Variants in DLEC1 observed in about 807,000 individuals in gnomAD.
DLEC1 encodes DLEC1 cilia and flagella associated protein, also known as deleted in lung and esophageal cancer protein 1.
Under a neutral mutation model 198.1 loss-of-function variants are expected in DLEC1, and 146 were observed. That is an observed-to-expected ratio of 0.74 (90% CI 0.64 to 0.85). DLEC1 has a LOEUF of 0.85. DLEC1 is among the 40% of genes least tolerant of loss of function. The pLI, the probability that DLEC1 is intolerant of heterozygous loss-of-function variation, is 0.00. For synonymous variants in DLEC1, 897 were observed against 866.8 expected (o/e 1.03, Z -0.61); for missense variants, 2,233 against 2,220.0 (o/e 1.01, Z -0.12).
intron 6 of DLEC1, among the ~76,000 whole-genome samples, chr3:38,076,872 G>T (rs570894112): frequency 4.1e-4 from 63 of 152,290 alleles, no homozygotes; most frequent in Non-Finnish European, 5.9e-4. Context: ...CAGGATTAGG[G>T]GCAGCGTGGG....
Position 38,059,787 on chromosome 3 carries a change from A to G in DLEC1, c.608A>G (p.Lys203Arg), listed in dbSNP as rs1286241684. The G allele has an allele frequency of 6.2e-7, 1 of 1,614,036 alleles. No individual in the cohort carries two copies. Among genetic ancestry groups the G allele is most frequent in the African/African-American group, 1.3e-5 (1 of 74,916 alleles). ...TGTATAGACAGCGAGTTGCTACGGA[A>G]ACATCATTTGATCTCCCCAGAAGAT... is the stretch of plus-strand genomic sequence containing the variant. ...RWCIDSELLR[K>R]HHLISPEDYY... The change falls in exon 3 of 37, where the codon AAA becomes AGA. Residue 203 changes from lysine (K) to arginine (R), a missense_variant. Lys to Arg is a conservative substitution (Grantham distance 26). Coordinates refer to ENST00000308059, the MANE Select transcript of DLEC1 (RefSeq NM_007335.4).
chr3:38,110,428 G>C, intron 23 of DLEC1, 147 bp downstream of exon 23: 1 of 1,027,096 alleles, frequency 9.7e-7, no homozygotes, highest in Non-Finnish European at 1.4e-6. Context: ...GGGACAGGCA[G>C]AGAGGAAATG....
intron 25 of DLEC1, among the ~76,000 whole-genome samples, chr3:38,113,660 C>T (rs2125733594): frequency 6.6e-6 from 1 of 152,188 alleles, no homozygotes; most frequent in South Asian, 2.1e-4. Flanking sequence ...CACTGCACTC[C>T]AGCCTGAGCG....
rs555782831 is a variant in DLEC1, at chr3:38,112,996, C to G, written c.3666+635C>G. Among the ~76,000 whole-genome samples the G allele has an allele frequency of 6.6e-6, 1 of 152,222 alleles. No individual in the cohort carries two copies. Among genetic ancestry groups the G allele is most frequent in the African/African-American group, 2.4e-5 (1 of 41,522 alleles). On this transcript the variant is annotated intron_variant, in intron 25 of 36. Transcript: ENST00000308059. This position sits in a 1 kb window ranked among gnomAD's most constrained non-coding sequence, Gnocchi z 4.8. ...ACAGATTAATTATAGTAGATATTTG[C>G]TTTAAATTGTGTGTGTTCTGTATGA...
intron 15 of DLEC1, 32 bp downstream of exon 15, chr3:38,096,769 G>A: frequency 6.4e-7 from 1 of 1,574,712 alleles, no homozygotes; most frequent in Non-Finnish European, 8.6e-7. Flanking sequence ...GCCTAGGCTG[G>A]CCGAGGCAGT....
chr3:38,045,561 C>T lies in DLEC1; in HGVS notation c.430C>T (p.Gln144Ter). 1 of 1,613,550 alleles carries T rather than the reference C, an allele frequency of 6.2e-7. No homozygotes were observed. Among genetic ancestry groups the T allele is most frequent in the Non-Finnish European group, 8.5e-7 (1 of 1,179,806 alleles). Residue 144 changes from glutamine (Q) to a stop codon, truncating the protein, a stop_gained, in exon 2 of 37, where the codon CAG (glutamine) becomes TAG (stop). Transcript: ENST00000308059. LOFTEE classifies it high-confidence loss of function. Reference protein sequence around the residue: ...QLQQIRELYKQRLDEFEMLER... With the variant: ...QLQQIRELYK ...CTGCCAGATTCGGGAGCTCTATAAG[C>T]AGCGGCTGGATGAGTTTGAAATGTT...
chr3:38,043,903 G>A (rs1045052855), intron 1 of DLEC1, among the ~76,000 whole-genome samples: 5 of 151,770 alleles, frequency 3.3e-5, no homozygotes, highest in African/African-American at 4.8e-5. Context: ...AAATCTTTGC[G>A]ATCCCACCAA....
Position 38,116,696 on chromosome 3 carries a change from G to T in DLEC1, c.4062+38G>T, listed in dbSNP as rs771186922. 7.4e-6 allele frequency: 12 copies of T among 1,610,776 alleles called. No homozygotes were observed. In the Admixed American group the frequency reaches 2.0e-4, roughly 27 times the overall value. ...GGAGGGGCGGGGCAGGCTGGCCACT[G>T]AGGGCCACTGAGGTGTGGCCAGTAG... is the stretch of plus-strand genomic sequence containing the variant. On this transcript the variant is annotated intron_variant, in intron 28 of 36. Coordinates refer to ENST00000308059, the MANE Select transcript of DLEC1 (RefSeq NM_007335.4).
chr3:38,122,627 G>A lies in DLEC1; in HGVS notation c.*215G>A, dbSNP rs1700549739. The A allele has an allele frequency of 2.0e-6, 3 of 1,522,704 alleles. No homozygotes were observed. In the East Asian group the frequency reaches 6.9e-5, roughly 35 times the overall value. The allele number at this position is 1,522,704 out of a possible 1,614,324, so 94.3% of individuals were successfully genotyped here. On this transcript the variant is annotated 3_prime_UTR_variant, in exon 37 of 37. Coordinates refer to ENST00000308059, the MANE Select transcript of DLEC1 (RefSeq NM_007335.4). ...ATAAAGGACAGGCCACACCACAGCA[G>A]AGACCACCACATTGAGATCACTACT...
chr3:38,122,935 G>A lies in DLEC1; in HGVS notation c.*523G>A, dbSNP rs926278633. 2.7e-6 allele frequency: 3 copies of A among 1,107,316 alleles called. No homozygotes were observed. Among genetic ancestry groups the A allele is most frequent in the Non-Finnish European group, 2.7e-6 (2 of 741,766 alleles). 68.6% of individuals were successfully genotyped at this position (1,107,316 alleles called of 1,614,324 possible). A position where few individuals can be genotyped will look rare whatever the true frequency, so the allele number is the denominator to read the frequency against. ...GTTGAAGTGCCTTGATCTGTCCACT[G>A]CCACCACCACCAGTGCTGAGTTTTC... On this transcript the variant is annotated 3_prime_UTR_variant, in exon 37 of 37. Coordinates refer to ENST00000308059, the MANE Select transcript of DLEC1 (RefSeq NM_007335.4).
At chr3:38,039,786 A>G in intron 1 of DLEC1, 150 bp downstream of exon 1, 1 of 1,038,472 alleles carries the variant, frequency 9.6e-7, no homozygotes, top group Non-Finnish European at 1.4e-6. Flanking sequence ...CCGACATTCT[A>G]GTGGAAGGAC....
At chr3:38,114,275 C>A in intron 25 of DLEC1, 67 bp from the exon 26 acceptor site, 1 of 1,497,798 alleles carries the variant, frequency 6.7e-7, no homozygotes, top group Non-Finnish European at 9.3e-7. Flanking sequence ...CAAGTGGAGG[C>A]CTTGCCCAGA....
At chr3:38,043,007 T>C (rs1700728723) in intron 1 of DLEC1, among the ~76,000 whole-genome samples, 2 of 152,270 alleles carry the variant, frequency 1.3e-5, no homozygotes, top group African/African-American at 4.8e-5. Flanking sequence ...TAATCACTAT[T>C]CCGTATGAGT....
chr3:38,076,229 T>G (rs1697610633), intron 6 of DLEC1, among the ~76,000 whole-genome samples: 1 of 152,132 alleles, frequency 6.6e-6, no homozygotes, highest in Non-Finnish European at 1.5e-5. Flanking sequence ...CTTACCAGAT[T>G]TGAAATTGGT....
intron 10 of DLEC1, among the ~76,000 whole-genome samples, chr3:38,088,611 A>G (rs1265738713): frequency 2.6e-5 from 4 of 152,160 alleles, no homozygotes; most frequent in African/African-American, 9.7e-5. Flanking sequence ...TCACATCACA[A>G]ACCTGAGCCT....
chr3:38,106,699 T>C (rs902169863), intron 19 of DLEC1, among the ~76,000 whole-genome samples: 1 of 138,336 alleles, frequency 7.2e-6, no homozygotes, highest in African/African-American at 2.8e-5. Flanking sequence ...GAGGTTGCAG[T>C]GAGCCAAGAT....
At chr3:38,069,649 C>A (rs1016034000) in intron 6 of DLEC1, among the ~76,000 whole-genome samples, 1 of 152,090 alleles carries the variant, frequency 6.6e-6, no homozygotes, top group African/African-American at 2.4e-5. Context: ...ATGCCACAGT[C>A]CTTATAATGA....
At position 38,117,880 on chromosome 3, in the gene DLEC1, T is replaced by C; in HGVS notation, c.4560T>C (p.Leu1520=). 1 of 1,614,132 alleles carries C rather than the reference T, an allele frequency of 6.2e-7. No homozygotes were observed. The highest frequency in any genetic ancestry group is 8.5e-7 in the Non-Finnish European group (1 of 1,180,012). Residue 1520 remains leucine (L), a synonymous_variant, in exon 33 of 37, where the codon CTT becomes CTC. Transcript: ENST00000308059. ...CAGAGATCCCACACTACTTCCGGCT[T>C]ATGGTCTCCAGGCCCTTCTCCGTTT... The part of the protein sequence containing the change: ...NTTEIPHYFR[L]MVSRPFSVSQ...
At position 38,122,322 on chromosome 3, in the gene DLEC1, G is replaced by A. The variant is rs543937258; in HGVS notation, c.5178G>A (p.Val1726=). The A allele has an allele frequency of 1.9e-6, 3 of 1,614,034 alleles. No individual in the cohort carries two copies. The highest frequency in any genetic ancestry group is 2.7e-5 in the African/African-American group (2 of 75,042). ...AGCTGTACGAGTCCACGATGGTGGT[G>A]GAAGGTGTGCTCGGTGAGAAGTCCT... The part of the protein sequence containing the change: ...SSELYESTMV[V]EGVLGEKSCT... Residue 1726 remains valine (V), a synonymous_variant, in exon 37 of 37, where the codon GTG becomes GTA. Coordinates refer to ENST00000308059, the MANE Select transcript of DLEC1 (RefSeq NM_007335.4).
Sources: allele counts gnomAD v4.1 joint callset (sites outside exome capture counted in the v4.1 genomes callset), GRCh38; gene constraint gnomAD v4.1.1; non-coding constraint Gnocchi (gnomAD v3.1); transcripts MANE v1.5; gene names NCBI Gene and HGNC (gene_info 2026-07-23, HGNC 2026-07-21).